THOC2: variants seen among roughly 807,000 people sequenced by gnomAD.
THOC2 encodes THO complex subunit 2, also known as THO complex 2.
A neutral mutation model predicts 128.4 loss-of-function variants in THOC2; 10 were observed. The observed-to-expected ratio is 0.08, with a 90% CI of 0.05 to 0.13. THOC2 has a LOEUF of 0.13. Among genes scored for constraint, THOC2 ranks in the 10% least tolerant of loss-of-function variants. THOC2 has a pLI of 1.00. For synonymous variants in THOC2, 393 were observed against 396.9 expected, an observed-to-expected ratio of 0.99 and a Z score of 0.12; for missense variants, 535 against 1,155.7, an observed-to-expected ratio of 0.46 and a Z score of 7.79.
chrX:123,668,476 G>A (rs1034361084), intron 9 of THOC2, among the ~76,000 whole-genome samples, 162 bp from the exon 10 acceptor site: 2 of 112,189 alleles, frequency 1.8e-5, no homozygotes, highest in South Asian at 7.3e-4. Flanking sequence ...CTTATAATTT[G>A]ACAGAATGAA....
intron 7 of THOC2, among the ~76,000 whole-genome samples, chrX:123,690,041 C>T (rs773315649): frequency 3.6e-5 from 4 of 111,317 alleles, no homozygotes; most frequent in Non-Finnish European, 7.5e-5. Context: ...CACACACAAA[C>T]ACACACACAT....
At chrX:123,604,921 C>T (rs1236447932) in intron 38 of THOC2, among the ~76,000 whole-genome samples, 1 of 111,547 alleles carries the variant, frequency 9.0e-6, no homozygotes, top group Non-Finnish European at 1.9e-5. Flanking sequence ...TCACATAAAC[C>T]CCAGGTAGAA....
intron 24 of THOC2, 50 bp downstream of exon 24, chrX:123,626,471 G>A: frequency 8.9e-7 from 1 of 1,123,459 alleles, no homozygotes; most frequent in Non-Finnish European, 1.2e-6. Flanking sequence ...ATAATGTTTT[G>A]TTTTCTGTAA....
chrX:123,607,616 T>C (rs1203645975), intron 38 of THOC2, among the ~76,000 whole-genome samples: 1 of 110,062 alleles, frequency 9.1e-6, no homozygotes, highest in Non-Finnish European at 1.9e-5. Flanking sequence ...GTATCTTAAT[T>C]CTAATGTGAT....
chrX:123,610,035 A>G (rs914268117), intron 38 of THOC2, among the ~76,000 whole-genome samples: 9 of 110,539 alleles, frequency 8.1e-5, no homozygotes, highest in African/African-American at 3.0e-4. Context: ...TCTCAAAAAA[A>G]AATAAAAATA....
In THOC2 at chrX:123,660,301, G is replaced by A. The variant is rs139666159; in HGVS notation, c.1386+5341C>T. Among the ~76,000 whole-genome samples, 36 of 111,387 alleles carry A rather than the reference G, an allele frequency of 3.2e-4. No homozygotes were observed. The South Asian group carries it at 5.8e-3, about 18-fold the overall frequency. ...ATATGGTTATGTACAGGACTTCCAT[G>A]AGTTGAAGGTTTGGTCTCCTGCTCA... is the stretch of plus-strand genomic sequence containing the variant. On this transcript the variant is annotated intron_variant, in intron 12 of 38. Transcript: ENST00000245838.
At chrX:123,654,673 C>T (rs973439212) in intron 12 of THOC2, among the ~76,000 whole-genome samples, 2 of 98,503 alleles carry the variant, frequency 2.0e-5, no homozygotes, top group Non-Finnish European at 4.0e-5. Flanking sequence ...GCAGGAGAAT[C>T]GCGTGAACCT....
Position 123,601,312 on chromosome X carries a change from A to G in THOC2, c.*45T>C, listed in dbSNP as rs1056776565. The G allele has an allele frequency of 9.0e-6, 1 of 111,082 alleles. No individual in the cohort carries two copies. Among genetic ancestry groups the G allele is most frequent in the Non-Finnish European group, 1.9e-5 (1 of 53,007 alleles). 9.2% of individuals were successfully genotyped at this position (111,082 alleles called of 1,213,427 possible). A position where few individuals can be genotyped will look rare whatever the true frequency, so the allele number is the denominator to read the frequency against. On this transcript the variant is annotated 3_prime_UTR_variant, in exon 39 of 39. Coordinates refer to ENST00000245838, the MANE Select transcript of THOC2 (RefSeq NM_001081550.2). ...CTCAGGAAAATAAATTTCTGGTCGC[A>G]GCCGAACAGTTCCAGTCCGATCTCA...
At chrX:123,609,966 T>G (rs1006186518) in intron 38 of THOC2, among the ~76,000 whole-genome samples, 3 of 110,090 alleles carry the variant, frequency 2.7e-5, no homozygotes, top group Non-Finnish European at 3.8e-5. Context: ...GCGGCAGAGG[T>G]TGCAGTGAGC....
chrX:123,710,004 C>A (rs986256976), intron 2 of THOC2, among the ~76,000 whole-genome samples: 2 of 111,475 alleles, frequency 1.8e-5, no homozygotes, highest in Admixed American at 1.9e-4. Flanking sequence ...GAAATTAATT[C>A]AAGGGAAGGG....
chrX:123,602,123 G>C (rs994185988), intron 38 of THOC2: 6 of 112,443 alleles, frequency 5.3e-5, no homozygotes, highest in African/African-American at 1.9e-4. Context: ...CTTTATTGAT[G>C]AAAATACTAC....
At chrX:123,691,257 T>C (rs764769355) in intron 7 of THOC2, among the ~76,000 whole-genome samples, 1 of 111,647 alleles carries the variant, frequency 9.0e-6, no homozygotes, top group Non-Finnish European at 1.9e-5. Flanking sequence ...CCCCTATAGT[T>C]GGAAACACTA....
rs781551842 is a variant in THOC2, at chrX:123,685,969, G to A, written c.768+579C>T. On this transcript the variant is annotated intron_variant, in intron 8 of 38. Transcript: ENST00000245838. Reference sequence around the variant, plus strand: ...GCTACTTGGGAGGCTGAGGTGGGAGGTTCACTTCGGACCAGGAGTCTGAGA... The same window carrying A: ...GCTACTTGGGAGGCTGAGGTGGGAGATTCACTTCGGACCAGGAGTCTGAGA... Among the ~76,000 whole-genome samples the A allele has an allele frequency of 8.1e-5, 9 of 111,373 alleles. No homozygotes were observed. In the South Asian group the frequency reaches 3.4e-3, roughly 42 times the overall value.
intron 2 of THOC2, among the ~76,000 whole-genome samples, chrX:123,709,632 G>T (rs944688038): frequency 1.1e-4 from 12 of 111,499 alleles, no homozygotes; most frequent in Non-Finnish European, 2.1e-4. Context: ...GAGATTCTTA[G>T]TTTTTGCGGG....
intron 2 of THOC2, among the ~76,000 whole-genome samples, chrX:123,709,578 G>T (rs1202968304): frequency 9.0e-6 from 1 of 111,427 alleles, no homozygotes; most frequent in Non-Finnish European, 1.9e-5. Flanking sequence ...GCGATAGAGC[G>T]GGAGACTCTG....
chrX:123,668,635 T>C (rs1026218487), intron 9 of THOC2, among the ~76,000 whole-genome samples: 2 of 111,827 alleles, frequency 1.8e-5, no homozygotes, highest in African/African-American at 6.5e-5. Flanking sequence ...ATATAGCAGT[T>C]CCATTAAAAA....
At chrX:123,663,180 A>C (rs1943062871) in intron 12 of THOC2, among the ~76,000 whole-genome samples, 1 of 112,030 alleles carries the variant, frequency 8.9e-6, no homozygotes, top group African/African-American at 3.2e-5. Context: ...CTCCAGGTAG[A>C]AACAACCCAA....
chrX:123,631,142 G>C (rs1395204625), intron 22 of THOC2, among the ~76,000 whole-genome samples: 2 of 111,737 alleles, frequency 1.8e-5, no homozygotes, highest in Non-Finnish European at 3.8e-5. Flanking sequence ...TTAGCACAGG[G>C]CAGGTCAGAA....
At chrX:123,624,691 A>C in intron 25 of THOC2, 22 bp from the exon 26 acceptor site, 1 of 1,184,641 alleles carries the variant, frequency 8.4e-7, no homozygotes, top group Non-Finnish European at 1.1e-6. Context: ...AAATGTTTAA[A>C]AAATATAAAC....
Sources: allele counts gnomAD v4.1 joint callset (sites outside exome capture counted in the v4.1 genomes callset), GRCh38; gene constraint gnomAD v4.1.1; transcripts MANE v1.5; gene names NCBI Gene and HGNC (gene_info 2026-07-23, HGNC 2026-07-21).